GRM3: variants seen among roughly 807,000 people sequenced by gnomAD.
GRM3 encodes glutamate metabotropic receptor 3.
GRM3 carries 26 observed loss-of-function variants against 70.5 expected under a neutral mutation model. That is an observed-to-expected ratio of 0.37 (90% CI 0.27 to 0.51). The LOEUF (loss-of-function observed/expected upper bound fraction) is 0.51. Among genes scored for constraint, GRM3 ranks in the 20% least tolerant of loss-of-function variants. GRM3 has a pLI of 0.93. For synonymous variants in GRM3, 443 were observed against 434.9 expected (o/e 1.02, Z -0.23); for missense variants, 859 against 1,123.8 (o/e 0.76, Z 3.37).
intron 2 of GRM3, among the ~76,000 whole-genome samples, chr7:86,776,607 C>G (rs1796898368): frequency 6.6e-6 from 1 of 152,090 alleles, no homozygotes; most frequent in South Asian, 2.1e-4. Context: ...TAACAACTGA[C>G]AAAGATTGGC....
At chr7:86,854,567 A>G (rs1798813166) in intron 5 of GRM3, among the ~76,000 whole-genome samples, 2 of 152,166 alleles carry the variant, frequency 1.3e-5, no homozygotes, top group Admixed American at 1.3e-4. Flanking sequence ...CATTAAGAAT[A>G]CCCATGGATC....
chr7:86,853,106 G>A (rs1342744037), intron 5 of GRM3, among the ~76,000 whole-genome samples: 3 of 152,148 alleles, frequency 2.0e-5, no homozygotes, highest in East Asian at 3.8e-4. Context: ...GTCTAGGACA[G>A]TGGTTTTCAT....
chr7:86,731,015 G>A (rs1478598723), intron 1 of GRM3, among the ~76,000 whole-genome samples: 8 of 151,966 alleles, frequency 5.3e-5, no homozygotes, highest in Non-Finnish European at 7.4e-5. Flanking sequence ...TCAAATCTAG[G>A]CATTCTTAAG....
intron 3 of GRM3, among the ~76,000 whole-genome samples, chr7:86,789,728 A>T (rs1797358921): frequency 6.6e-6 from 1 of 152,186 alleles, no homozygotes. Flanking sequence ...GACAAGGGAC[A>T]CTTTTAGCCA....
At chr7:86,795,981 A>C (rs1436752331) in intron 3 of GRM3, among the ~76,000 whole-genome samples, 1 of 152,204 alleles carries the variant, frequency 6.6e-6, no homozygotes, top group Non-Finnish European at 1.5e-5. Context: ...TGTCAGATGA[A>C]CAGATTGCAA....
chr7:86,730,837 A>T (rs1424853016), intron 1 of GRM3, among the ~76,000 whole-genome samples: 2 of 152,220 alleles, frequency 1.3e-5, no homozygotes, highest in East Asian at 3.8e-4. Flanking sequence ...CTACTTGCCA[A>T]GTACTCACAA....
intron 1 of GRM3, among the ~76,000 whole-genome samples, chr7:86,746,969 T>C (rs1000485074): frequency 7.2e-5 from 11 of 152,082 alleles, no homozygotes; most frequent in African/African-American, 2.4e-4. Flanking sequence ...CAAAGAGGAT[T>C]TGGGAATCAT....
Position 86,745,598 on chromosome 7 carries a change from G to A in GRM3, c.-140-19408G>A, listed in dbSNP as rs536354587. Reference sequence around the variant, plus strand: ...CATAATGTGAATGACTTCCTGCAGAGCTTCTCATGAAGAGCTTAGGAGAAT... The same window carrying A: ...CATAATGTGAATGACTTCCTGCAGAACTTCTCATGAAGAGCTTAGGAGAAT... On this transcript the variant is annotated intron_variant, in intron 1 of 5. Coordinates refer to ENST00000361669, the MANE Select transcript of GRM3 (RefSeq NM_000840.3). 3.4e-3 allele frequency among the ~76,000 whole-genome samples: 512 copies of A among 152,194 alleles called. 2 individuals carry two copies. Among genetic ancestry groups the A allele is most frequent in the Non-Finnish European group, 5.4e-3 (366 of 67,990 alleles).
intron 1 of GRM3, among the ~76,000 whole-genome samples, chr7:86,753,366 G>T (rs1178462175): frequency 1.3e-5 from 2 of 152,114 alleles, no homozygotes; most frequent in Non-Finnish European, 2.9e-5. Context: ...GTGGCCATGT[G>T]CTGACATCAT....
At chr7:86,694,759 G>T (rs1794777354) in intron 1 of GRM3, among the ~76,000 whole-genome samples, 4 of 152,042 alleles carry the variant, frequency 2.6e-5, no homozygotes, top group African/African-American at 9.7e-5. Context: ...CATTTTTCAG[G>T]TTCTGCTGTT....
At chr7:86,720,780 A>G (rs1343221799) in intron 1 of GRM3, among the ~76,000 whole-genome samples, 1 of 152,076 alleles carries the variant, frequency 6.6e-6, no homozygotes, top group East Asian at 1.9e-4. Context: ...AATTTGTATG[A>G]AAGTGTTCAC....
chr7:86,770,387 G>C (rs1400906119), intron 2 of GRM3, among the ~76,000 whole-genome samples: 1 of 152,022 alleles, frequency 6.6e-6, no homozygotes, highest in Non-Finnish European at 1.5e-5. Context: ...AGAATTTCTA[G>C]CACTATCCAC....
intron 1 of GRM3, among the ~76,000 whole-genome samples, chr7:86,750,253 G>A (rs1350756646): frequency 6.6e-6 from 1 of 152,082 alleles, no homozygotes; most frequent in Non-Finnish European, 1.5e-5. Context: ...CAGCTCACAA[G>A]TTTAGCTACG....
intron 1 of GRM3, among the ~76,000 whole-genome samples, chr7:86,702,863 C>G (rs1344838435): frequency 6.6e-6 from 1 of 151,932 alleles, no homozygotes; most frequent in Non-Finnish European, 1.5e-5. Context: ...CAAGAAGTAG[C>G]TGATCTTTGA....
chr7:86,849,802 G>A (rs909848045), intron 4 of GRM3, among the ~76,000 whole-genome samples: 8 of 152,104 alleles, frequency 5.3e-5, no homozygotes, highest in African/African-American at 1.9e-4. Flanking sequence ...TTCCAGAGAT[G>A]CCAATAAGCA....
intron 1 of GRM3, among the ~76,000 whole-genome samples, chr7:86,687,051 G>T: frequency 6.6e-6 from 1 of 151,880 alleles, no homozygotes. Flanking sequence ...AAAAAGTGCT[G>T]TGATTAATCC....
chr7:86,833,838 A>T (rs565682864), intron 3 of GRM3, among the ~76,000 whole-genome samples: 78 of 152,246 alleles, frequency 5.1e-4, no homozygotes, highest in African/African-American at 1.8e-3. Context: ...TTTTGTTTAG[A>T]ATTTGTAATG....
chr7:86,654,499 C>CG (rs1461324363), intron 1 of GRM3, among the ~76,000 whole-genome samples: 1 of 152,186 alleles, frequency 6.6e-6, no homozygotes, highest in Non-Finnish European at 1.5e-5. Flanking sequence ...CCCACTCACA[C>CG]AGCAGTCTCT....
intron 1 of GRM3, among the ~76,000 whole-genome samples, chr7:86,752,358 T>C (rs561442319): frequency 6.6e-6 from 1 of 152,260 alleles, no homozygotes; most frequent in Admixed American, 6.6e-5. Flanking sequence ...ATGCCCATAA[T>C]TTGAGTATAA....
Sources: gnomAD v4.1 joint callset for allele counts (sites outside exome capture counted in the v4.1 genomes callset) on GRCh38, gnomAD v4.1.1 for gene constraint, MANE v1.5 for transcripts, NCBI Gene and HGNC (gene_info 2026-07-23, HGNC 2026-07-21) for gene names.